The following ZFYVE27 variants were observed in gnomAD, a reference collection of about 807,000 sequenced individuals.
ZFYVE27 encodes zinc finger FYVE-type containing 27, also known as protrudin.
In ZFYVE27, 36 loss-of-function variants were observed where a neutral mutation model predicts 52.8. That is an observed-to-expected ratio of 0.68 (90% CI 0.52 to 0.90). ZFYVE27 has a LOEUF of 0.90. Ranked by LOEUF, ZFYVE27 falls within the 40% of genes least tolerant of loss-of-function variation. The pLI is 0.00. For synonymous variants in ZFYVE27, 223 were observed against 215.6 expected (o/e 1.03, Z -0.30); for missense variants, 450 against 527.2 (o/e 0.85, Z 1.43).
At chr10:97,753,838 T>C (rs1480890479) in intron 10 of ZFYVE27, among the ~76,000 whole-genome samples, 1 of 152,236 alleles carries the variant, frequency 6.6e-6, no homozygotes. Context: ...ATTGTTTCTC[T>C]GGACGTGATA....
intron 2 of ZFYVE27, chr10:97,738,926 T>C: frequency 5.8e-6 from 3 of 517,712 alleles, no homozygotes; most frequent in South Asian, 4.2e-5. Flanking sequence ...ATAAGCTCCT[T>C]CCTCTGGACT....
Position 97,744,710 on chromosome 10 carries a change from A to C in ZFYVE27, c.269-19A>C. On this transcript the variant is annotated intron_variant, in intron 3 of 12. Coordinates refer to ENST00000684270, the MANE Select transcript of ZFYVE27 (RefSeq NM_001385875.1). ...GTCTTTGCTTACCTGTGTTACCTGC[A>C]GTGTTTTTGATTCTGCAGGTGCATG... 6.2e-7 allele frequency: 1 copy of C among 1,612,838 alleles called. No individual in the cohort carries two copies. The highest frequency in any genetic ancestry group is 8.5e-7 in the Non-Finnish European group (1 of 1,179,920).
intron 9 of ZFYVE27, 75 bp from the exon 10 acceptor site, chr10:97,752,963 G>T (rs1018862894): frequency 1.2e-5 from 20 of 1,612,644 alleles, no homozygotes; most frequent in Non-Finnish European, 1.5e-5. Flanking sequence ...GGGGGCTGCC[G>T]CGCAGGATGC....
intron 3 of ZFYVE27, 147 bp from the exon 4 acceptor site, chr10:97,744,582 G>T: frequency 2.3e-6 from 2 of 875,468 alleles, no homozygotes; most frequent in South Asian, 2.9e-5. Flanking sequence ...GGAGAGTAGG[G>T]GTGAGACACT....
chr10:97,743,276 T>A, intron 3 of ZFYVE27, 112 bp downstream of exon 3: 1 of 1,232,564 alleles, frequency 8.1e-7, no homozygotes, highest in Non-Finnish European at 1.2e-6. Flanking sequence ...CTGGAGTTAG[T>A]GTTCCTCTGT....
chr10:97,737,468 C>T (rs1362247368), intron 1 of ZFYVE27, 147 bp downstream of exon 1: 1 of 152,618 alleles, frequency 6.6e-6, no homozygotes, highest in Non-Finnish European at 1.5e-5. Flanking sequence ...CCATCAGGCC[C>T]CCCTGGCTGC....
chr10:97,744,764 G>C lies in ZFYVE27; in HGVS notation c.304G>C (p.Val102Leu). Residue 102 changes from valine to leucine, a missense_variant, in exon 4 of 13, where the codon GTG (valine) becomes CTG (leucine). Transcript: ENST00000684270. ...WYSVGALMISVPALLGYLQEV... is the reference protein window; with the variant it reads ...WYSVGALMISLPALLGYLQEV... The stretch of plus-strand genomic sequence containing the variant: ...CTCAGTAGGTGCCCTGATGATTTCA[G>C]TGCCCGCCCTGCTGGGCTACCTTCA... 1 of 1,613,998 alleles carries C rather than the reference G, an allele frequency of 6.2e-7. No individual in the cohort carries two copies. Among genetic ancestry groups the C allele is most frequent in the Non-Finnish European group, 8.5e-7 (1 of 1,180,046 alleles).
At chr10:97,743,028 G>A in intron 2 of ZFYVE27, 66 bp from the exon 3 acceptor site, 1 of 1,563,928 alleles carries the variant, frequency 6.4e-7, no homozygotes, top group Non-Finnish European at 8.8e-7. Context: ...CGTCTGTGCT[G>A]CCTGGTCTCC....
rs2048714562 is a variant in ZFYVE27, at chr10:97,757,637, T to G, written c.1090-5T>G. The G allele has an allele frequency of 3.1e-6, 5 of 1,614,236 alleles. No homozygotes were observed. Among genetic ancestry groups the G allele is most frequent in the Non-Finnish European group, 3.4e-6 (4 of 1,180,026 alleles). On this transcript the variant is annotated splice_polypyrimidine_tract_variant and splice_region_variant and intron_variant, in intron 11 of 12. Transcript: ENST00000684270. ...GACACATCTGACCTTGGCTCTTGTC[T>G]GCAGCGGAGCTGCAGTAATTGTGGA...
chr10:97,756,956 T>C (rs2048494879), intron 10 of ZFYVE27, among the ~76,000 whole-genome samples: 1 of 152,232 alleles, frequency 6.6e-6, no homozygotes, highest in South Asian at 2.1e-4. Flanking sequence ...CTTAGCTGGC[T>C]TTCTTGGAGT....
Position 97,750,421 on chromosome 10 carries a change from G to T in ZFYVE27, c.755G>T (p.Gly252Val). The T allele has an allele frequency of 3.1e-6, 5 of 1,614,128 alleles. No homozygotes were observed. Among genetic ancestry groups the T allele is most frequent in the African/African-American group, 2.7e-5 (2 of 75,048 alleles). Reference protein sequence around the residue: ...AFESPPPPDVGGKDGLMDSTP... With the variant: ...AFESPPPPDVVGKDGLMDSTP... ...GAGAGTCCTCCACCACCAGATGTTGGGGGGAAGGATGGTCTGATGGACAGC... is the reference window on the plus strand; with the variant it reads ...GAGAGTCCTCCACCACCAGATGTTGTGGGGAAGGATGGTCTGATGGACAGC... The change falls in exon 7 of 13, where the codon GGG (glycine) becomes GTG (valine). Residue 252 changes from glycine to valine, a missense_variant. Coordinates refer to ENST00000684270, the MANE Select transcript of ZFYVE27 (RefSeq NM_001385875.1).
chr10:97,738,764 G>GGCTGT, intron 2 of ZFYVE27, 90 bp downstream of exon 2: 1 of 1,492,522 alleles, frequency 6.7e-7, no homozygotes, highest in Admixed American at 1.7e-5. Flanking sequence ...GCAGTGGCTG[G>GGCTGT]GCTGTCCTTT....
intron 3 of ZFYVE27, among the ~76,000 whole-genome samples, chr10:97,743,861 G>A (rs1000272279): frequency 5.9e-5 from 9 of 152,164 alleles, no homozygotes; most frequent in African/African-American, 1.9e-4. Context: ...CGTGGTTGGC[G>A]CTGGCAGATG....
intron 10 of ZFYVE27, among the ~76,000 whole-genome samples, 197 bp downstream of exon 10, chr10:97,753,379 G>C (rs1463721838): frequency 1.3e-5 from 2 of 152,166 alleles, no homozygotes; most frequent in African/African-American, 4.8e-5. Context: ...GGGAGTGGGT[G>C]TGGGTTCCTT....
At chr10:97,756,207 C>T (rs919226841) in intron 10 of ZFYVE27, among the ~76,000 whole-genome samples, 6 of 152,064 alleles carry the variant, frequency 3.9e-5, no homozygotes, top group Admixed American at 3.9e-4. Context: ...GGGACAGAAT[C>T]TTGGAGCAGC....
In ZFYVE27 at chr10:97,760,449, T is replaced by C. The variant is rs1482956898; in HGVS notation, c.*1149T>C. 1 of 152,360 alleles carries C rather than the reference T, an allele frequency of 6.6e-6. No homozygotes were observed. The highest frequency in any genetic ancestry group is 2.4e-5 in the African/African-American group (1 of 41,426). The allele number at this position is 152,360 out of a possible 1,614,324, so 9.4% of individuals were successfully genotyped here. On this transcript the variant is annotated 3_prime_UTR_variant, in exon 13 of 13. Coordinates refer to ENST00000684270, the MANE Select transcript of ZFYVE27 (RefSeq NM_001385875.1). ...CTTCCCTGGAGCTGCCCTGCCTTTC[T>C]CAAGTATTTATTTATTTATTGCATG... is the stretch of plus-strand genomic sequence containing the variant.
intron 3 of ZFYVE27, among the ~76,000 whole-genome samples, chr10:97,743,510 G>T (rs1360378805): frequency 6.6e-6 from 1 of 152,232 alleles, no homozygotes; most frequent in Non-Finnish European, 1.5e-5. Context: ...CCAGTGCATT[G>T]TAGCTGCTCT....
At chr10:97,738,736 C>T in intron 2 of ZFYVE27, 62 bp downstream of exon 2, 1 of 1,583,174 alleles carries the variant, frequency 6.3e-7, no homozygotes, top group Non-Finnish European at 8.7e-7. Context: ...TCTGTAGTAA[C>T]TAACACTGAC....
At chr10:97,758,122 A>G (rs1444730564) in intron 12 of ZFYVE27, 1 of 162,186 alleles carries the variant, frequency 6.2e-6, no homozygotes, top group African/African-American at 2.4e-5. Flanking sequence ...TTTATAAAAT[A>G]TAAAATATTT....
Sources: allele counts gnomAD v4.1 joint callset (sites outside exome capture counted in the v4.1 genomes callset), GRCh38; gene constraint gnomAD v4.1.1; transcripts MANE v1.5; gene names NCBI Gene and HGNC (gene_info 2026-07-23, HGNC 2026-07-21).